Variants in GALNT2 observed in about 807,000 individuals in gnomAD.
GALNT2 encodes UDP-GalNAc:polypeptide N-acetylgalactosaminyltransferase 2.
Under a neutral mutation model 81.4 loss-of-function variants are expected in GALNT2, and 31 were observed. The ratio of observed to expected loss-of-function variants is 0.38; its 90% CI spans 0.29 to 0.51. The LOEUF is 0.51. Among genes scored for constraint, GALNT2 ranks in the 20% least tolerant of loss-of-function variants. The probability of loss-of-function intolerance (pLI) is 0.87; values close to 1 mark genes in which losing one functional copy is unlikely to be tolerated. For missense variants in GALNT2, 629 were observed against 765.7 expected (o/e 0.82, Z 2.11); for synonymous variants, 303 against 287.4 (o/e 1.05, Z -0.55).
intron 1 of GALNT2, among the ~76,000 whole-genome samples, chr1:230,086,206 T>C (rs928467701): frequency 1.3e-5 from 2 of 152,162 alleles, no homozygotes; most frequent in Non-Finnish European, 2.9e-5. Flanking sequence ...TAGAGAATAA[T>C]ACGAGCTCCT....
At position 230,103,102 on chromosome 1, in the gene GALNT2, G is replaced by T. The variant is rs539268023; in HGVS notation, c.126+35696G>T. On this transcript the variant is annotated intron_variant, in intron 1 of 15. Coordinates refer to ENST00000366672, the MANE Select transcript of GALNT2 (RefSeq NM_004481.5). Reference sequence around the variant, plus strand: ...TATCAAATTTGCATTTGGAGGAATTGTAAAGAGCCTCTGTTACCTCCTAGG... The same window carrying T: ...TATCAAATTTGCATTTGGAGGAATTTTAAAGAGCCTCTGTTACCTCCTAGG... 2.0e-5 allele frequency among the ~76,000 whole-genome samples: 3 copies of T among 152,344 alleles called. No individual in the cohort carries two copies. In the East Asian group the frequency reaches 5.8e-4, roughly 29 times the overall value.
chr1:230,151,102 A>G lies in GALNT2; in HGVS notation c.127-27116A>G, dbSNP rs1662081792. On this transcript the variant is annotated intron_variant, in intron 1 of 15. Coordinates refer to ENST00000366672, the MANE Select transcript of GALNT2 (RefSeq NM_004481.5). ...TTCTTCCTCTTGTGGAAATATGTTC[A>G]GGATCTTGTGTGGTGTCCTGGGTTT... 2.0e-5 allele frequency among the ~76,000 whole-genome samples: 3 copies of G among 152,204 alleles called. 1 individual carries two copies. In the South Asian group the frequency reaches 6.2e-4, roughly 32 times the overall value.
intron 4 of GALNT2, 90 bp from the exon 5 acceptor site, chr1:230,236,263 T>G (rs1043040530): frequency 1.4e-6 from 2 of 1,423,712 alleles, no homozygotes. Flanking sequence ...CAACCAAGGG[T>G]TAGGACCAAC....
At chr1:230,200,910 C>T (rs913727947) in intron 2 of GALNT2, among the ~76,000 whole-genome samples, 1 of 152,280 alleles carries the variant, frequency 6.6e-6, no homozygotes, top group African/African-American at 2.4e-5. Flanking sequence ...TTGTTAGAAC[C>T]AGCTCATTGG....
At chr1:230,204,122 C>T (rs12044702) in intron 3 of GALNT2, among the ~76,000 whole-genome samples, 16,469 of 152,004 alleles carry the variant, frequency 0.11, 1,828 homozygotes, top group East Asian at 0.57. Flanking sequence ...GAATCACAAA[C>T]ATGAACCACT....
At chr1:230,073,193 T>A (rs1393389190) in intron 1 of GALNT2, among the ~76,000 whole-genome samples, 2 of 152,242 alleles carry the variant, frequency 1.3e-5, no homozygotes, top group Non-Finnish European at 2.9e-5. Flanking sequence ...TGATCACTCC[T>A]GTCCTTAGAG....
intron 1 of GALNT2, among the ~76,000 whole-genome samples, chr1:230,173,841 C>T (rs1052266811): frequency 4.6e-5 from 7 of 151,784 alleles, no homozygotes; most frequent in African/African-American, 1.2e-4. Flanking sequence ...GGGATTGTAA[C>T]GAAAAACTTC....
intron 12 of GALNT2, 40 bp downstream of exon 12, chr1:230,262,705 C>A: frequency 5.8e-6 from 5 of 858,660 alleles, no homozygotes; most frequent in South Asian, 1.4e-5. Flanking sequence ...ACTGGGGATT[C>A]TTGGGGTGTG....
In GALNT2 at chr1:230,224,623, C is replaced by T. The variant is rs562812678; in HGVS notation, c.375-11391C>T. On this transcript the variant is annotated intron_variant, in intron 3 of 15. Coordinates refer to ENST00000366672, the MANE Select transcript of GALNT2 (RefSeq NM_004481.5). ...TTCAAGGGGAAACCTAATGTTTTTCCCCTTCTGTTGGAGAATACTCACGTA... is the reference window on the plus strand; with the variant it reads ...TTCAAGGGGAAACCTAATGTTTTTCTCCTTCTGTTGGAGAATACTCACGTA... 2.0e-5 allele frequency among the ~76,000 whole-genome samples: 3 copies of T among 152,176 alleles called. No homozygotes were observed. In the South Asian group the frequency reaches 6.2e-4, roughly 31 times the overall value.
At chr1:230,263,230 G>A (rs1479367636) in intron 13 of GALNT2, 5 of 549,288 alleles carry the variant, frequency 9.1e-6, no homozygotes, top group African/African-American at 1.9e-5. Flanking sequence ...ATGCTTCGGA[G>A]TCCCAGAGGC....
chr1:230,105,150 C>T (rs879400411), intron 1 of GALNT2, among the ~76,000 whole-genome samples: 6 of 152,198 alleles, frequency 3.9e-5, no homozygotes, highest in Admixed American at 3.3e-4. Context: ...CTTTTCCCAG[C>T]TGGCACAGAC....
chr1:230,268,056 CAGTG>C (rs980372920), intron 14 of GALNT2, among the ~76,000 whole-genome samples: 2 of 152,148 alleles, frequency 1.3e-5, no homozygotes, highest in African/African-American at 2.4e-5. Context: ...ATCTGGAAAG[CAGTG>C]AGCTTGGGGA....
chr1:230,224,077 A>G (rs763333751), intron 3 of GALNT2, among the ~76,000 whole-genome samples: 1 of 152,220 alleles, frequency 6.6e-6, no homozygotes, highest in Non-Finnish European at 1.5e-5. Flanking sequence ...TCATGGAACA[A>G]TGGAAGTAAA....
At chr1:230,234,098 C>T in intron 3 of GALNT2, among the ~76,000 whole-genome samples, 1 of 152,110 alleles carries the variant, frequency 6.6e-6, no homozygotes, top group East Asian at 1.9e-4. Context: ...TGAAAAGGCT[C>T]TCCAAGAGTG....
chr1:230,071,566 G>A (rs572025613), intron 1 of GALNT2, among the ~76,000 whole-genome samples: 2 of 152,162 alleles, frequency 1.3e-5, no homozygotes, highest in Non-Finnish European at 2.9e-5. Context: ...ATCCCTGGAA[G>A]CATGCATGAC....
At chr1:230,121,842 A>G (rs1407890724) in intron 1 of GALNT2, among the ~76,000 whole-genome samples, 2 of 152,148 alleles carry the variant, frequency 1.3e-5, no homozygotes, top group Non-Finnish European at 2.9e-5. Context: ...TCACACAGCT[A>G]GAAGAGGGGA....
intron 1 of GALNT2, among the ~76,000 whole-genome samples, chr1:230,127,941 T>C (rs1284845731): frequency 6.6e-6 from 1 of 152,208 alleles, no homozygotes; most frequent in Non-Finnish European, 1.5e-5. Context: ...GCTGTGGCCC[T>C]TGGTGCCCTC....
At chr1:230,212,709 T>C (rs537198651) in intron 3 of GALNT2, among the ~76,000 whole-genome samples, 43 of 152,330 alleles carry the variant, frequency 2.8e-4, no homozygotes, top group Admixed American at 1.8e-3. Flanking sequence ...GCATCTGATA[T>C]GCACAGTTCA....
intron 1 of GALNT2, among the ~76,000 whole-genome samples, chr1:230,167,148 T>C (rs1050350126): frequency 2.6e-5 from 4 of 152,064 alleles, no homozygotes; most frequent in African/African-American, 9.7e-5. Context: ...TTTATTTTTT[T>C]GGTGGTGGGG....
Sources: allele counts gnomAD v4.1 joint callset (sites outside exome capture counted in the v4.1 genomes callset), GRCh38; gene constraint gnomAD v4.1.1; transcripts MANE v1.5; gene names NCBI Gene and HGNC (gene_info 2026-07-23, HGNC 2026-07-21).